SPAG16: variants seen among roughly 807,000 people sequenced by gnomAD.
SPAG16 encodes sperm-associated antigen 16 protein.
In SPAG16, 86 loss-of-function variants were observed where a neutral mutation model predicts 80.4. The observed-to-expected ratio is 1.07, with a 90% CI of 0.90 to 1.28. The LOEUF (loss-of-function observed/expected upper bound fraction) is 1.28, where lower values mean the gene tolerates loss of function less well. Ranked by LOEUF, SPAG16 falls within the 50% of genes most tolerant of loss-of-function variation. The pLI, the probability that SPAG16 is intolerant of heterozygous loss-of-function variation, is 0.00. For synonymous variants in SPAG16, 294 were observed against 265.9 expected (o/e 1.11, Z -1.03); for missense variants, 870 against 765.3 (o/e 1.14, Z -1.61).
At chr2:214,400,320 G>A (rs186271277) in intron 15 of SPAG16, among the ~76,000 whole-genome samples, 131 of 152,004 alleles carry the variant, frequency 8.6e-4, no homozygotes, top group African/African-American at 3.0e-3. Flanking sequence ...AAAGATGATA[G>A]TTGGCCCCAT....
At chr2:214,181,486 C>A (rs1337860250) in intron 15 of SPAG16, among the ~76,000 whole-genome samples, 1 of 151,738 alleles carries the variant, frequency 6.6e-6, no homozygotes, top group Non-Finnish European at 1.5e-5. Flanking sequence ...CTGCCTGCCT[C>A]TGCTGGCCAC....
intron 15 of SPAG16, among the ~76,000 whole-genome samples, chr2:214,377,334 G>T (rs1450339987): frequency 6.6e-6 from 1 of 152,164 alleles, no homozygotes; most frequent in Non-Finnish European, 1.5e-5. Context: ...AGGAAGCAGA[G>T]AAAAGTCTTA....
At chr2:214,202,081 G>A (rs905694945) in intron 15 of SPAG16, among the ~76,000 whole-genome samples, 5 of 152,172 alleles carry the variant, frequency 3.3e-5, no homozygotes, top group African/African-American at 7.2e-5. Context: ...TTCTGGGCTT[G>A]AGTAATCTCC....
intron 12 of SPAG16, among the ~76,000 whole-genome samples, chr2:213,955,635 A>G (rs1389114176): frequency 6.6e-6 from 1 of 152,110 alleles, no homozygotes; most frequent in Non-Finnish European, 1.5e-5. Context: ...GTTCTTTTTT[A>G]AGATCACTTT....
intron 10 of SPAG16, among the ~76,000 whole-genome samples, chr2:213,806,700 A>T (rs1215626314): frequency 6.6e-6 from 1 of 152,208 alleles, no homozygotes; most frequent in Non-Finnish European, 1.5e-5. Context: ...GCTGAGTACA[A>T]ACCAAAGACT....
intron 11 of SPAG16, among the ~76,000 whole-genome samples, chr2:213,883,042 A>G (rs1020760487): frequency 6.6e-6 from 1 of 151,824 alleles, no homozygotes; most frequent in Non-Finnish European, 1.5e-5. Context: ...ATTTTTTTGT[A>G]TTTTTAGTAG....
chr2:213,679,049 C>G (rs1447268995), intron 10 of SPAG16, among the ~76,000 whole-genome samples: 1 of 152,112 alleles, frequency 6.6e-6, no homozygotes, highest in African/African-American at 2.4e-5. Flanking sequence ...CACCAGACAT[C>G]CTCCTTAGAC....
rs566198280 is a variant in SPAG16 at position 213,749,791 on chromosome 2, T to C, written c.1071-112694T>C. ...TTTTGTCATTTCTTTACTTAGGCTA[T>C]AAATTTATTTTAAAGACTGAGTTTT... is the stretch of plus-strand genomic sequence containing the variant. On this transcript the variant is annotated intron_variant, in intron 10 of 15. Coordinates refer to ENST00000331683, the MANE Select transcript of SPAG16 (RefSeq NM_024532.5). Among the ~76,000 whole-genome samples, 28 of 152,358 alleles carry C rather than the reference T, an allele frequency of 1.8e-4. No homozygotes were observed. The South Asian group carries it at 4.6e-3, about 25-fold the overall frequency.
At chr2:213,756,465 C>T (rs2125504070) in intron 10 of SPAG16, among the ~76,000 whole-genome samples, 1 of 152,284 alleles carries the variant, frequency 6.6e-6, no homozygotes, top group South Asian at 2.1e-4. Context: ...TGCACTCCAG[C>T]CTAGGTGACA....
chr2:213,455,853 G>A (rs772762722), intron 9 of SPAG16, among the ~76,000 whole-genome samples: 1 of 152,180 alleles, frequency 6.6e-6, no homozygotes, highest in Non-Finnish European at 1.5e-5. Flanking sequence ...TGCTCCAGGT[G>A]GACCATGACT....
At chr2:213,426,875 AC>A (rs1242463063) in intron 9 of SPAG16, among the ~76,000 whole-genome samples, 4 of 132,154 alleles carry the variant, frequency 3.0e-5, no homozygotes, top group African/African-American at 1.1e-4. Context: ...ACACACACAC[AC>A]ACACACAGGG....
chr2:214,325,093 C>T (rs1335290609), intron 15 of SPAG16, among the ~76,000 whole-genome samples: 1 of 152,192 alleles, frequency 6.6e-6, no homozygotes, highest in Non-Finnish European at 1.5e-5. Context: ...TTTCTTCATA[C>T]AATGGTGATG....
At chr2:213,430,180 T>C (rs1233697126) in intron 9 of SPAG16, among the ~76,000 whole-genome samples, 1 of 152,146 alleles carries the variant, frequency 6.6e-6, no homozygotes, top group Non-Finnish European at 1.5e-5. Flanking sequence ...AAATGAAAAG[T>C]TCATTGAAAG....
intron 10 of SPAG16, among the ~76,000 whole-genome samples, chr2:213,719,980 A>G (rs1040774774): frequency 6.6e-6 from 1 of 152,222 alleles, no homozygotes; most frequent in East Asian, 1.9e-4. Context: ...AATGTGGCAC[A>G]TATTCACTAT....
chr2:213,825,359 G>A (rs777320207), intron 10 of SPAG16, among the ~76,000 whole-genome samples: 1 of 152,016 alleles, frequency 6.6e-6, no homozygotes, highest in Non-Finnish European at 1.5e-5. Flanking sequence ...CTAGCTGTGA[G>A]TCTGTTGTAT....
intron 10 of SPAG16, among the ~76,000 whole-genome samples, chr2:213,599,631 C>T (rs1035897308): frequency 1.3e-4 from 20 of 152,152 alleles, no homozygotes; most frequent in African/African-American, 4.3e-4. Context: ...TGTTAACCGA[C>T]TTGTTGATGT....
rs531502320 is a variant in SPAG16 at position 213,822,304 on chromosome 2, T to C, written c.1071-40181T>C. ...TGTGCATTTCATCGATCTTTTTATA[T>C]GCCAGTTTGCCATTTGTATATCTTC... On this transcript the variant is annotated intron_variant, in intron 10 of 15. Coordinates refer to ENST00000331683, the MANE Select transcript of SPAG16 (RefSeq NM_024532.5). Among the ~76,000 whole-genome samples the C allele has an allele frequency of 1.5e-3, 224 of 152,344 alleles. 1 individual carries two copies. Among genetic ancestry groups the C allele is most frequent in the Non-Finnish European group, 2.8e-3 (189 of 68,030 alleles).
At chr2:213,562,337 AC>A (rs1425341450) in intron 10 of SPAG16, among the ~76,000 whole-genome samples, 2 of 151,980 alleles carry the variant, frequency 1.3e-5, no homozygotes, top group Non-Finnish European at 2.9e-5. Flanking sequence ...AATTCTGAAG[AC>A]TCTGATCTTT....
intron 4 of SPAG16, among the ~76,000 whole-genome samples, chr2:213,314,451 T>G (rs1257953843): frequency 6.6e-6 from 1 of 151,826 alleles, no homozygotes; most frequent in Non-Finnish European, 1.5e-5. Flanking sequence ...AAACATTATG[T>G]ATGAGAATTC....
Sources: gnomAD v4.1 joint callset for allele counts (sites outside exome capture counted in the v4.1 genomes callset) on GRCh38, gnomAD v4.1.1 for gene constraint, MANE v1.5 for transcripts, NCBI Gene and HGNC (gene_info 2026-07-23, HGNC 2026-07-21) for gene names.